ATP6V0D2: variants seen among roughly 807,000 people sequenced by gnomAD.
The protein encoded by ATP6V0D2 is V-type proton ATPase subunit d 2.
ATP6V0D2 carries 40 observed loss-of-function variants against 40.0 expected under a neutral mutation model. The ratio of observed to expected loss-of-function variants is 1.00; its 90% CI spans 0.78 to 1.30. The LOEUF is 1.30. Among genes scored for constraint, ATP6V0D2 ranks in the 50% most tolerant of loss-of-function variants. ATP6V0D2 has a pLI of 0.00. For synonymous variants in ATP6V0D2, 179 were observed against 156.3 expected (o/e 1.15, Z -1.08); for missense variants, 470 against 423.1 (o/e 1.11, Z -0.97).
intron 5 of ATP6V0D2, among the ~76,000 whole-genome samples, chr8:86,148,391 T>G (rs55815265): frequency 0.16 from 24,046 of 152,128 alleles, 2,171 homozygotes; most frequent in East Asian, 0.32. Context: ...TGGAACTAAC[T>G]CTCACTCTCC....
chr8:86,102,693 G>A (rs540348851), intron 1 of ATP6V0D2, among the ~76,000 whole-genome samples: 1 of 152,296 alleles, frequency 6.6e-6, no homozygotes, highest in Admixed American at 6.5e-5. Context: ...GCATAATTGG[G>A]TTAAGTGTAG....
At chr8:86,109,772 T>C (rs1160549807) in intron 1 of ATP6V0D2, among the ~76,000 whole-genome samples, 5 of 152,206 alleles carry the variant, frequency 3.3e-5, no homozygotes, top group Admixed American at 1.3e-4. Context: ...GTTAATTAAA[T>C]AGGTAATTGA....
At chr8:86,139,990 A>T (rs1308107365) in intron 3 of ATP6V0D2, among the ~76,000 whole-genome samples, 1 of 152,222 alleles carries the variant, frequency 6.6e-6, no homozygotes, top group Non-Finnish European at 1.5e-5. Context: ...CTTCAAAAAA[A>T]ATGTAATTTT....
At chr8:86,143,780 G>A (rs2130277285) in intron 5 of ATP6V0D2, among the ~76,000 whole-genome samples, 1 of 152,212 alleles carries the variant, frequency 6.6e-6, no homozygotes, top group East Asian at 1.9e-4. Flanking sequence ...ATTTTACCCA[G>A]CCCCTATTCA....
chr8:86,136,474 C>T (rs1455342326), intron 2 of ATP6V0D2, among the ~76,000 whole-genome samples: 1 of 152,032 alleles, frequency 6.6e-6, no homozygotes, highest in Non-Finnish European at 1.5e-5. Context: ...TAGCAATTGC[C>T]CTCTGAGGTA....
At chr8:86,146,402 A>T (rs903319813) in intron 5 of ATP6V0D2, among the ~76,000 whole-genome samples, 2 of 151,280 alleles carry the variant, frequency 1.3e-5, no homozygotes, top group Non-Finnish European at 1.5e-5. Flanking sequence ...AAACAGCATT[A>T]AAAAAAAATC....
chr8:86,126,236 C>CTACATATATATATATATATATATA (rs1818740542), intron 2 of ATP6V0D2, among the ~76,000 whole-genome samples: 1 of 77,120 alleles, frequency 1.3e-5, no homozygotes, highest in Non-Finnish European at 2.9e-5. Flanking sequence ...CGTGCTCAGC[C>CTACATATATATATATATATATATA]TATATATATA....
chr8:86,116,991 T>C (rs1165218781), intron 2 of ATP6V0D2, among the ~76,000 whole-genome samples: 4 of 152,210 alleles, frequency 2.6e-5, no homozygotes, highest in African/African-American at 9.6e-5. Context: ...TCATATTTAT[T>C]ATTTATGTGG....
At chr8:86,103,206 C>T (rs987927384) in intron 1 of ATP6V0D2, among the ~76,000 whole-genome samples, 1 of 151,958 alleles carries the variant, frequency 6.6e-6, no homozygotes, top group Non-Finnish European at 1.5e-5. Flanking sequence ...CAACCTCTGC[C>T]TCCCAAGTTC....
At position 86,130,621 on chromosome 8, in the gene ATP6V0D2, G is replaced by T. The variant is rs1818810619; in HGVS notation, c.303-8836G>T. On this transcript the variant is annotated intron_variant, in intron 2 of 7. Coordinates refer to ENST00000285393, the MANE Select transcript of ATP6V0D2 (RefSeq NM_152565.1). ...GGCAACCATAAGACAAATTATCACA[G>T]AATTCAAGTTCCAGGAAGGAGGAGG... 1.3e-5 allele frequency among the ~76,000 whole-genome samples: 2 copies of T among 152,104 alleles called. 1 individual carries two copies. The highest frequency in any genetic ancestry group is 4.1e-4 in the South Asian group (2 of 4,834).
At chr8:86,125,165 AT>A (rs539361031) in intron 2 of ATP6V0D2, among the ~76,000 whole-genome samples, 132 of 152,258 alleles carry the variant, frequency 8.7e-4, no homozygotes, top group African/African-American at 2.9e-3. Context: ...TGTTAAGGTA[AT>A]GGATGTGAAA....
In ATP6V0D2 at chr8:86,153,400, C is replaced by T. The variant is rs535636264; in HGVS notation, c.*423C>T. ...ACAGGGTCTCACTCTGTCACCTAGG[C>T]TACAGTGCAGTGGTGTGATCACAGC... On this transcript the variant is annotated 3_prime_UTR_variant, in exon 8 of 8. Transcript: ENST00000285393. The T allele has an allele frequency of 8.0e-4, 125 of 156,632 alleles. No homozygotes were observed. The highest frequency in any genetic ancestry group is 1.3e-3 in the Non-Finnish European group (93 of 71,464). 9.7% of individuals were successfully genotyped at this position (156,632 alleles called of 1,614,324 possible).
At chr8:86,127,530 A>G (rs745484019) in intron 2 of ATP6V0D2, among the ~76,000 whole-genome samples, 93 of 151,622 alleles carry the variant, frequency 6.1e-4, no homozygotes, top group Non-Finnish European at 1.2e-3. Flanking sequence ...ATCATGGCTC[A>G]CTGCAACCTC....
At chr8:86,150,064 G>A (rs1819122123) in intron 5 of ATP6V0D2, 48 bp from the exon 6 acceptor site, 2 of 1,561,214 alleles carry the variant, frequency 1.3e-6, no homozygotes, top group Non-Finnish European at 1.8e-6. Flanking sequence ...TCTGTTTATA[G>A]CATTTAGCAG....
intron 2 of ATP6V0D2, 32 bp from the exon 3 acceptor site, chr8:86,139,425 T>C: frequency 6.4e-7 from 1 of 1,567,346 alleles, no homozygotes; most frequent in South Asian, 1.2e-5. Context: ...TTTGCAGCTG[T>C]CCTCTAATGA....
chr8:86,150,374 A>G (rs1367934563), intron 6 of ATP6V0D2, 86 bp downstream of exon 6: 67 of 1,321,280 alleles, frequency 5.1e-5, no homozygotes, highest in Non-Finnish European at 6.4e-5. Context: ...ATTTCCGCTT[A>G]TACTCAAAAG....
intron 4 of ATP6V0D2, 88 bp from the exon 5 acceptor site, chr8:86,142,789 A>G (rs1193446966): frequency 3.7e-6 from 3 of 802,482 alleles, no homozygotes; most frequent in African/African-American, 3.5e-5. Context: ...CCATTAAAGC[A>G]TTTAATAAAC....
chr8:86,144,611 A>C (rs1819021422), intron 5 of ATP6V0D2, among the ~76,000 whole-genome samples: 1 of 152,150 alleles, frequency 6.6e-6, no homozygotes, highest in African/African-American at 2.4e-5. Flanking sequence ...GAAAAAGGAA[A>C]CAAAAAAGTT....
Position 86,120,409 on chromosome 8 carries a change from A to G in ATP6V0D2, c.302+6529A>G, listed in dbSNP as rs565022655. 1.7e-4 allele frequency among the ~76,000 whole-genome samples: 26 copies of G among 152,020 alleles called. 1 individual carries two copies. Among genetic ancestry groups the G allele is most frequent in the South Asian group, 8.3e-4 (4 of 4,808 alleles). ...GTGAGACCCTGTCTCAAAAAAAACC[A>G]AAAACAAACATACAAAAAACACTTT... is the stretch of plus-strand genomic sequence containing the variant. On this transcript the variant is annotated intron_variant, in intron 2 of 7. Coordinates refer to ENST00000285393, the MANE Select transcript of ATP6V0D2 (RefSeq NM_152565.1).
Sources: gnomAD v4.1 joint callset for allele counts (sites outside exome capture counted in the v4.1 genomes callset) on GRCh38, gnomAD v4.1.1 for gene constraint, MANE v1.5 for transcripts, NCBI Gene and HGNC (gene_info 2026-07-23, HGNC 2026-07-21) for gene names.